Variants in SLC30A7 observed in about 807,000 individuals in gnomAD.
SLC30A7 encodes zinc transporter 7.
Under a neutral mutation model 46.0 loss-of-function variants are expected in SLC30A7, and 35 were observed. The observed-to-expected ratio is 0.76, with a 90% CI of 0.58 to 1.01. The LOEUF (loss-of-function observed/expected upper bound fraction) is 1.01. Among genes scored for constraint, SLC30A7 ranks in the 50% least tolerant of loss-of-function variants. The pLI is 0.00. For synonymous variants in SLC30A7, 147 were observed against 157.8 expected, an observed-to-expected ratio of 0.93 and a Z score of 0.51; for missense variants, 464 against 451.1, an observed-to-expected ratio of 1.03 and a Z score of -0.26.
the SLC30A7 span, among the ~76,000 whole-genome samples, chr1:100,992,097 CA>C: frequency 6.8e-3 from 818 of 120,074 alleles, 1 homozygote; most frequent in African/African-American, 0.011. Flanking sequence ...GACCCTCTCT[CA>C]AAAAAAAAAA....
chr1:100,995,414 T>C, the SLC30A7 span: 3 of 360,042 alleles, frequency 8.3e-6, no homozygotes, highest in East Asian at 1.6e-4. Flanking sequence ...AAGAATTAGA[T>C]AAACATTGGC....
the SLC30A7 span, chr1:100,990,676 C>A: frequency 6.4e-7 from 1 of 1,567,210 alleles, no homozygotes; most frequent in South Asian, 1.1e-5. Flanking sequence ...GCAAATGCAT[C>A]ATCCATCCAA....
intron 8 of SLC30A7, among the ~76,000 whole-genome samples, chr1:100,945,499 A>C (rs1247409514): frequency 1.3e-5 from 2 of 152,190 alleles, no homozygotes; most frequent in South Asian, 2.1e-4. Context: ...TCAGCTTTCT[A>C]CATATGGCTA....
At chr1:100,939,364 T>TTA (rs200253209) in intron 8 of SLC30A7, among the ~76,000 whole-genome samples, 1,892 of 152,224 alleles carry the variant, frequency 0.012, 124 homozygotes, top group Admixed American at 0.11. Context: ...TCAATGTTCT[T>TTA]TATATATATA....
intron 8 of SLC30A7, among the ~76,000 whole-genome samples, chr1:100,947,023 A>G (rs140324017): frequency 2.0e-5 from 3 of 152,238 alleles, no homozygotes; most frequent in African/African-American, 4.8e-5. Context: ...GGGAGGGTGT[A>G]TGTGTCAAGG....
the SLC30A7 span, chr1:100,990,320 C>T: frequency 8.1e-7 from 1 of 1,239,732 alleles, no homozygotes. Context: ...GATTAAAATT[C>T]AAGATGAGAC....
chr1:100,989,967 C>G, the SLC30A7 span: 2 of 163,852 alleles, frequency 1.2e-5, no homozygotes, highest in African/African-American at 4.8e-5. Context: ...TTTATACTTA[C>G]TAGATAAGCC....
the SLC30A7 span, among the ~76,000 whole-genome samples, chr1:100,991,838 T>A: frequency 6.7e-6 from 1 of 148,940 alleles, no homozygotes; most frequent in Non-Finnish European, 1.5e-5. Context: ...GGTTCACACC[T>A]GTAATCCCAA....
chr1:100,980,879 T>A lies in SLC30A7; in HGVS notation c.*6022T>A, dbSNP rs766142938. On this transcript the variant is annotated 3_prime_UTR_variant, in exon 11 of 11. Transcript: ENST00000357650. ...TTTGTTTTTATGGAAAATTGCCATATTCACATATTTCATTTATCCTAATGT... is the reference window on the plus strand; with the variant it reads ...TTTGTTTTTATGGAAAATTGCCATAATCACATATTTCATTTATCCTAATGT... The A allele has an allele frequency of 5.9e-5, 9 of 152,122 alleles. No homozygotes were observed. The highest frequency in any genetic ancestry group is 1.2e-4 in the Non-Finnish European group (8 of 67,970). The allele number at this position is 152,122 out of a possible 1,614,324, so 9.4% of individuals were successfully genotyped here.
the SLC30A7 span, chr1:100,990,367 T>G: frequency 1.5e-5 from 23 of 1,583,962 alleles, no homozygotes; most frequent in Non-Finnish European, 1.9e-5. Flanking sequence ...TCAATCCATA[T>G]ATGGCTGAAA....
chr1:100,949,334 C>T (rs1028150553), intron 8 of SLC30A7, among the ~76,000 whole-genome samples: 7 of 152,170 alleles, frequency 4.6e-5, no homozygotes, highest in Non-Finnish European at 7.3e-5. Flanking sequence ...GTATCACCAG[C>T]GGAGGCTGCA....
At chr1:100,986,122 C>A (rs1019221766), downstream of SLC30A7, among the ~76,000 whole-genome samples, 7 of 152,090 alleles carry the variant, frequency 4.6e-5, no homozygotes, top group African/African-American at 1.7e-4. Context: ...ACAAAGACAC[C>A]ACTGCGGCCA....
At chr1:100,920,174 C>A (rs1163071735) in intron 7 of SLC30A7, among the ~76,000 whole-genome samples, 2 of 151,902 alleles carry the variant, frequency 1.3e-5, no homozygotes, top group African/African-American at 4.8e-5. Flanking sequence ...TCATTATTTT[C>A]TTTTTCTTTT....
At chr1:100,940,191 C>G (rs1654258774) in intron 8 of SLC30A7, among the ~76,000 whole-genome samples, 1 of 152,030 alleles carries the variant, frequency 6.6e-6, no homozygotes, top group African/African-American at 2.4e-5. Flanking sequence ...GATGGCTTCC[C>G]TAAAAACTGG....
chr1:100,899,743 A>G (rs539592191), intron 2 of SLC30A7, among the ~76,000 whole-genome samples: 1 of 152,218 alleles, frequency 6.6e-6, no homozygotes, highest in South Asian at 2.1e-4. Context: ...CATTTCCAAG[A>G]TGGGTGCTAG....
At position 100,978,116 on chromosome 1, in the gene SLC30A7, A is replaced by AGCTTCCTCAGTTT. The variant is rs1324261115; in HGVS notation, c.*3263_*3275dup. ...AAGATGAAGGGCTTAACATATCCAC[A>AGCTTCCTCAGTTT]GCTTCCTCAGTTTGCTAACTCCCCA... On this transcript the variant is annotated 3_prime_UTR_variant, in exon 11 of 11. Coordinates refer to ENST00000357650, the MANE Select transcript of SLC30A7 (RefSeq NM_133496.5). The AGCTTCCTCAGTTT allele has an allele frequency of 6.6e-6, 1 of 152,204 alleles. No homozygotes were observed. The highest frequency in any genetic ancestry group is 1.5e-5 in the Non-Finnish European group (1 of 68,056). The allele number at this position is 152,204 out of a possible 1,614,324, so 9.4% of individuals were successfully genotyped here.
intron 8 of SLC30A7, among the ~76,000 whole-genome samples, chr1:100,958,074 T>C (rs1655324751): frequency 6.6e-6 from 1 of 152,202 alleles, no homozygotes; most frequent in Admixed American, 6.5e-5. Context: ...CTTAAGTCCA[T>C]TTGCAGTTGT....
intron 7 of SLC30A7, among the ~76,000 whole-genome samples, chr1:100,920,183 T>C (rs1451742358): frequency 6.6e-6 from 1 of 152,064 alleles, no homozygotes; most frequent in Non-Finnish European, 1.5e-5. Flanking sequence ...TCTTTTTCTT[T>C]TCATGTTTAG....
At chr1:100,918,393 A>G (rs192806588) in intron 7 of SLC30A7, among the ~76,000 whole-genome samples, 17 of 152,274 alleles carry the variant, frequency 1.1e-4, no homozygotes, top group Non-Finnish European at 2.1e-4. Flanking sequence ...AATCCCAGCT[A>G]CTCAGGAGAA....
Sources: gnomAD v4.1 joint callset for allele counts (sites outside exome capture counted in the v4.1 genomes callset) on GRCh38, gnomAD v4.1.1 for gene constraint, MANE v1.5 for transcripts, NCBI Gene and HGNC (gene_info 2026-07-23, HGNC 2026-07-21) for gene names.